Variants in NR6A1 observed in about 807,000 individuals in gnomAD.
NR6A1 encodes the protein nuclear receptor subfamily 6 group A member 1, also known as retinoic acid receptor-related testis-associated receptor.
A neutral mutation model predicts 59.1 loss-of-function variants in NR6A1; 7 were observed. The ratio of observed to expected loss-of-function variants is 0.12; its 90% CI spans 0.07 to 0.22. The LOEUF (loss-of-function observed/expected upper bound fraction) is 0.22, where lower values mean the gene tolerates loss of function less well. NR6A1 is among the 10% of genes least tolerant of loss of function. The pLI is 1.00. For synonymous variants in NR6A1, 243 were observed against 236.1 expected, an observed-to-expected ratio of 1.03 and a Z score of -0.27; for missense variants, 468 against 611.6, an observed-to-expected ratio of 0.77 and a Z score of 2.48.
intron 2 of NR6A1, among the ~76,000 whole-genome samples, chr9:124,678,610 C>T (rs1838032781): frequency 6.6e-6 from 1 of 152,176 alleles, no homozygotes; most frequent in Non-Finnish European, 1.5e-5. Context: ...CCTCCTCAGA[C>T]TTACCTGGAC....
intron 2 of NR6A1, among the ~76,000 whole-genome samples, chr9:124,571,487 C>T (rs2131431564): frequency 6.6e-6 from 1 of 152,288 alleles, no homozygotes; most frequent in South Asian, 2.1e-4. Flanking sequence ...GCCTGTGGGG[C>T]ACTATGTTTA....
chr9:124,559,904 TTTC>T (rs1236184734), intron 2 of NR6A1, among the ~76,000 whole-genome samples: 2 of 152,258 alleles, frequency 1.3e-5, no homozygotes, highest in Admixed American at 1.3e-4. Context: ...CTGAATGATT[TTTC>T]TTAATATCAT....
intron 1 of NR6A1, among the ~76,000 whole-genome samples, chr9:124,762,025 G>A (rs1038262977): frequency 1.8e-4 from 28 of 152,138 alleles, no homozygotes; most frequent in Admixed American, 1.2e-3. Flanking sequence ...CTCAATTATC[G>A]AGGGAAGTAA....
chr9:124,735,333 T>C (rs1266338427), intron 1 of NR6A1, among the ~76,000 whole-genome samples: 2 of 152,018 alleles, frequency 1.3e-5, no homozygotes, highest in African/African-American at 4.8e-5. Flanking sequence ...CACCAAACAA[T>C]AAAGGAATAG....
rs558813759 is a variant in NR6A1, at chr9:124,684,009, C to T, written c.142+49299G>A. On this transcript the variant is annotated intron_variant, in intron 2 of 9. Coordinates refer to ENST00000487099, the MANE Select transcript of NR6A1 (RefSeq NM_033334.4). ...ACTAGCAAAGTGGCATTTTTGGAAACAGAGCACCTATGACTCTTGCCCAGT... is the reference window on the plus strand; with the variant it reads ...ACTAGCAAAGTGGCATTTTTGGAAATAGAGCACCTATGACTCTTGCCCAGT... 6.0e-4 allele frequency among the ~76,000 whole-genome samples: 91 copies of T among 152,286 alleles called. 1 individual carries two copies. In the South Asian group the frequency reaches 0.018, roughly 31 times the overall value.
intron 3 of NR6A1, among the ~76,000 whole-genome samples, chr9:124,546,630 G>C (rs959747240): frequency 6.6e-6 from 1 of 152,074 alleles, no homozygotes; most frequent in Non-Finnish European, 1.5e-5. Context: ...GTAAAGAATT[G>C]CCTTTAAAAA....
rs944423726 is a variant in NR6A1 at position 124,595,779 on chromosome 9, A to G, written c.143-41209T>C. 2.3e-6 allele frequency: 3 copies of G among 1,289,128 alleles called. No individual in the cohort carries two copies. In the African/African-American group the frequency reaches 4.6e-5, roughly 20 times the overall value. 79.9% of individuals were successfully genotyped at this position (1,289,128 alleles called of 1,614,324 possible). On this transcript the variant is annotated intron_variant, in intron 2 of 9. Transcript: ENST00000487099. ...CATGTCTCCATTTCATGCTTCTTGT[A>G]GTCTGCTGAAAAGTTCTATTGCAGC...
chr9:124,526,104 C>T (rs889414255), intron 8 of NR6A1, among the ~76,000 whole-genome samples: 1 of 152,162 alleles, frequency 6.6e-6, no homozygotes, highest in Admixed American at 6.5e-5. Context: ...GGCAGCAGAA[C>T]AGCCCAGTGC....
At chr9:124,603,097 C>T (rs1375320063) in intron 2 of NR6A1, among the ~76,000 whole-genome samples, 1 of 152,168 alleles carries the variant, frequency 6.6e-6, no homozygotes, top group African/African-American at 2.4e-5. Flanking sequence ...AGTCAAATCG[C>T]ACCCTTCTTC....
At chr9:124,757,529 G>C (rs1210694862) in intron 1 of NR6A1, among the ~76,000 whole-genome samples, 1 of 150,674 alleles carries the variant, frequency 6.6e-6, no homozygotes, top group African/African-American at 2.4e-5. Context: ...CTTAGTGGTA[G>C]GATTATAGGT....
At chr9:124,656,066 A>C (rs943277185) in intron 2 of NR6A1, among the ~76,000 whole-genome samples, 2 of 152,172 alleles carry the variant, frequency 1.3e-5, no homozygotes, top group African/African-American at 4.8e-5. Flanking sequence ...TCTTGGTGCC[A>C]TTCTTGCAGT....
intron 2 of NR6A1, among the ~76,000 whole-genome samples, chr9:124,645,869 T>C (rs1030861042): frequency 6.6e-6 from 1 of 152,210 alleles, no homozygotes; most frequent in Non-Finnish European, 1.5e-5. Context: ...GACCACATTC[T>C]GGCCCATAAA....
chr9:124,589,867 C>G (rs1449385046), intron 2 of NR6A1, among the ~76,000 whole-genome samples: 1 of 151,922 alleles, frequency 6.6e-6, no homozygotes, highest in Non-Finnish European at 1.5e-5. Context: ...GAGATCGAGA[C>G]CATCCTGGGC....
chr9:124,734,882 G>C (rs558725234), intron 1 of NR6A1, among the ~76,000 whole-genome samples: 1 of 151,878 alleles, frequency 6.6e-6, no homozygotes, highest in Admixed American at 6.6e-5. Context: ...TTGCTCTATC[G>C]CCCAGGCTAG....
At chr9:124,750,533 G>T (rs954787507) in intron 1 of NR6A1, among the ~76,000 whole-genome samples, 2 of 152,184 alleles carry the variant, frequency 1.3e-5, no homozygotes, top group Non-Finnish European at 2.9e-5. Flanking sequence ...GGCCGAGGCA[G>T]GCGGATCACG....
intron 1 of NR6A1, among the ~76,000 whole-genome samples, chr9:124,749,444 G>A (rs1484575589): frequency 6.6e-6 from 1 of 152,144 alleles, no homozygotes; most frequent in African/African-American, 2.4e-5. Flanking sequence ...TCATCACCCA[G>A]TGCTATTACT....
intron 7 of NR6A1, among the ~76,000 whole-genome samples, chr9:124,530,801 A>C (rs1025356272): frequency 4.6e-5 from 7 of 152,276 alleles, no homozygotes; most frequent in African/African-American, 1.7e-4. Context: ...CAGAAAGTCA[A>C]ACCTTTTGAA....
rs73581850 is a variant in NR6A1, at chr9:124,600,523, C to G, written c.143-45953G>C. Among the ~76,000 whole-genome samples the G allele has an allele frequency of 6.0e-4, 91 of 152,264 alleles. 1 individual carries two copies. The South Asian group carries it at 0.018, about 30-fold the overall frequency. Reference sequence around the variant, plus strand: ...GGTTTTAAAAATCCAATTCTACAAACACTCATGGAGTGTCTCCTATGAGCT... The same window carrying G: ...GGTTTTAAAAATCCAATTCTACAAAGACTCATGGAGTGTCTCCTATGAGCT... On this transcript the variant is annotated intron_variant, in intron 2 of 9. Transcript: ENST00000487099.
At chr9:124,524,965 T>G in intron 8 of NR6A1, 92 bp from the exon 9 acceptor site, 1 of 1,382,768 alleles carries the variant, frequency 7.2e-7, no homozygotes, top group South Asian at 1.5e-5. Flanking sequence ...ATATGTTCAT[T>G]TTTCAACTAA....
Sources: gnomAD v4.1 joint callset for allele counts (sites outside exome capture counted in the v4.1 genomes callset) on GRCh38, gnomAD v4.1.1 for gene constraint, MANE v1.5 for transcripts, NCBI Gene and HGNC (gene_info 2026-07-23, HGNC 2026-07-21) for gene names.